RHCG: variants seen among roughly 807,000 people sequenced by gnomAD.
The protein encoded by RHCG is ammonium transporter Rh type C.
A neutral mutation model predicts 55.3 loss-of-function variants in RHCG; 39 were observed. The observed-to-expected ratio is 0.70, with a 90% CI of 0.55 to 0.92. RHCG has a LOEUF of 0.92. Among genes scored for constraint, RHCG ranks in the 40% least tolerant of loss-of-function variants. The pLI is 0.00. For missense variants in RHCG, 635 were observed against 627.9 expected, an observed-to-expected ratio of 1.01 and a Z score of -0.12; for synonymous variants, 250 against 246.8, an observed-to-expected ratio of 1.01 and a Z score of -0.12.
chr15:89,485,035 A>G (rs1961335100), intron 2 of RHCG, among the ~76,000 whole-genome samples: 1 of 152,194 alleles, frequency 6.6e-6, no homozygotes, highest in South Asian at 2.1e-4. Context: ...TGCTCATCCC[A>G]GCCCCGGGCA....
Position 89,476,800 on chromosome 15 carries a change from TC to T in RHCG, c.1265del (p.Gly422AspfsTer82), listed in dbSNP as rs1567224632. On this transcript the variant is annotated frameshift_variant, in exon 9 of 11. Transcript: ENST00000268122. LOFTEE classifies it high-confidence loss of function. ...VGLILRLPFW[G>X]QPSDENCFED... is the part of the protein sequence containing the mutation. ...CAAAGCAGTTCTCATCTGAAGGTTG[TC>T]CCCAGAATGGTAATCTCAAAATGAG... 2 of 1,613,988 alleles carry T rather than the reference TC, an allele frequency of 1.2e-6. No homozygotes were observed. The highest frequency in any genetic ancestry group is 2.2e-5 in the South Asian group (2 of 91,084).
rs944889899 is a variant in RHCG at position 89,471,602 on chromosome 15, C to T, written c.*278G>A. 6.5e-6 allele frequency: 1 copy of T among 152,678 alleles called. No individual in the cohort carries two copies. The highest frequency in any genetic ancestry group is 2.4e-5 in the African/African-American group (1 of 41,444). 9.5% of individuals were successfully genotyped at this position (152,678 alleles called of 1,614,324 possible). On this transcript the variant is annotated 3_prime_UTR_variant, in exon 11 of 11. Coordinates refer to ENST00000268122, the MANE Select transcript of RHCG (RefSeq NM_016321.3). ...GTTCACCCACCAGGTCCCAGCCCCA[C>T]TTTGAGCCTGTTTTTCTCCAATGTG...
chr15:89,487,006 G>A, intron 1 of RHCG, 21 bp from the exon 2 acceptor site: 2 of 1,532,304 alleles, frequency 1.3e-6, no homozygotes, highest in Non-Finnish European at 1.8e-6. Flanking sequence ...AGTGCAGCCC[G>A]GGACTCGGTG....
At chr15:89,480,475 C>T (rs1961247262) in intron 3 of RHCG, 67 bp from the exon 4 acceptor site, 1 of 1,551,006 alleles carries the variant, frequency 6.4e-7, no homozygotes, top group African/African-American at 1.4e-5. Flanking sequence ...CCGTCCCTGT[C>T]TTGCCACACA....
intron 2 of RHCG, chr15:89,486,372 T>A (rs1961358446): frequency 1.8e-5 from 8 of 456,632 alleles, no homozygotes; most frequent in South Asian, 1.2e-4. Flanking sequence ...TGGGCTGCGG[T>A]CTCTCAGGAC....
intron 1 of RHCG, 101 bp from the exon 2 acceptor site, chr15:89,487,086 G>T: frequency 9.2e-7 from 1 of 1,090,744 alleles, no homozygotes. Context: ...AGTCTTCCCC[G>T]CCACTGGCGC....
chr15:89,496,234 C>G, intron 1 of RHCG, 127 bp downstream of exon 1: 1 of 901,758 alleles, frequency 1.1e-6, no homozygotes, highest in Middle Eastern at 2.7e-4. Flanking sequence ...CTGCAGAGGC[C>G]GGCGAGATGC....
intron 1 of RHCG, among the ~76,000 whole-genome samples, chr15:89,487,697 G>A (rs920184201): frequency 6.6e-6 from 1 of 152,202 alleles, no homozygotes; most frequent in African/African-American, 2.4e-5. Flanking sequence ...TTAACTCGGG[G>A]CTTGGCACCT....
At chr15:89,476,413 G>A (rs1166775413) in intron 9 of RHCG, among the ~76,000 whole-genome samples, 1 of 152,082 alleles carries the variant, frequency 6.6e-6, no homozygotes. Flanking sequence ...GATGGTGCCG[G>A]GCACCATACC....
chr15:89,475,989 TTC>T (rs113912208), intron 9 of RHCG, among the ~76,000 whole-genome samples: 6 of 149,788 alleles, frequency 4.0e-5, no homozygotes, highest in Admixed American at 6.6e-5. Flanking sequence ...GACTTTGCAT[TTC>T]TCTCTCTCTC....
chr15:89,485,900 G>A (rs991784474), intron 2 of RHCG, among the ~76,000 whole-genome samples: 26 of 152,208 alleles, frequency 1.7e-4, no homozygotes, highest in Non-Finnish European at 2.5e-4. Flanking sequence ...GAGTCATTCA[G>A]TGAGCTGACC....
At chr15:89,496,027 G>C (rs1031041630) in intron 1 of RHCG, among the ~76,000 whole-genome samples, 3 of 152,214 alleles carry the variant, frequency 2.0e-5, no homozygotes, top group Non-Finnish European at 4.4e-5. Context: ...AAGGGAGCCA[G>C]GTCATCCACT....
Position 89,477,368 on chromosome 15 carries a change from A to T in RHCG, c.1112+149T>A. 1.4e-6 allele frequency: 2 copies of T among 1,392,082 alleles called. No homozygotes were observed. Among genetic ancestry groups the T allele is most frequent in the African/African-American group, 1.4e-5 (1 of 69,982 alleles). The allele number at this position is 1,392,082 out of a possible 1,614,324, so 86.2% of individuals were successfully genotyped here. Reference sequence around the variant, plus strand: ...TGGCCTCTAAAACTCTAAGGGACAGAGTTTGGGGAGAGAGACCCATGAAAC... The same window carrying T: ...TGGCCTCTAAAACTCTAAGGGACAGTGTTTGGGGAGAGAGACCCATGAAAC... On this transcript the variant is annotated intron_variant, in intron 7 of 10. Transcript: ENST00000268122. The surrounding 1 kb of genome is among the most constrained non-coding windows in gnomAD (Gnocchi z 4.5).
Position 89,478,007 on chromosome 15 carries a change from A to G in RHCG, c.838-33T>C, listed in dbSNP as rs768102238. ...GGGCAGGCAGAGCAGGCAGGAACTC[A>G]GTCCTCTCCCTGGAGCACCGGGCCT... is the stretch of plus-strand genomic sequence containing the variant. On this transcript the variant is annotated intron_variant, in intron 5 of 10. Coordinates refer to ENST00000268122, the MANE Select transcript of RHCG (RefSeq NM_016321.3). 12 of 1,577,082 alleles carry G rather than the reference A, an allele frequency of 7.6e-6. No individual in the cohort carries two copies. In the African/African-American group the frequency reaches 1.2e-4, roughly 16 times the overall value.
intron 9 of RHCG, among the ~76,000 whole-genome samples, chr15:89,474,253 C>G (rs1453077378): frequency 6.6e-6 from 1 of 152,184 alleles, no homozygotes; most frequent in Non-Finnish European, 1.5e-5. Flanking sequence ...TCCAGATTTT[C>G]TTTAATGAGC....
intron 1 of RHCG, 144 bp downstream of exon 1, chr15:89,496,217 G>T: frequency 3.9e-6 from 3 of 763,512 alleles, no homozygotes; most frequent in Middle Eastern, 3.3e-4. Flanking sequence ...AATTTCCCAC[G>T]CATGCCCTGC....
chr15:89,487,754 A>G (rs911532961), intron 1 of RHCG, among the ~76,000 whole-genome samples: 1 of 152,230 alleles, frequency 6.6e-6, no homozygotes, highest in South Asian at 2.1e-4. Flanking sequence ...TTAAACACAC[A>G]TGTGTATGTA....
At chr15:89,474,001 C>T (rs941556927) in intron 9 of RHCG, among the ~76,000 whole-genome samples, 2 of 152,102 alleles carry the variant, frequency 1.3e-5, no homozygotes, top group Non-Finnish European at 2.9e-5. Flanking sequence ...TTCTGACTTT[C>T]TTAAATATAG....
intron 9 of RHCG, among the ~76,000 whole-genome samples, chr15:89,475,760 C>T (rs1248631734): frequency 6.6e-6 from 1 of 152,116 alleles, no homozygotes; most frequent in Non-Finnish European, 1.5e-5. Flanking sequence ...TAGACCCTAC[C>T]CCAGAGCAGT....
Sources: gnomAD v4.1 joint callset for allele counts (sites outside exome capture counted in the v4.1 genomes callset) on GRCh38, gnomAD v4.1.1 for gene constraint, Gnocchi (gnomAD v3.1) non-coding constraint, MANE v1.5 for transcripts, NCBI Gene and HGNC (gene_info 2026-07-23, HGNC 2026-07-21) for gene names.